The following HORMAD2 variants were observed in gnomAD, a reference collection of about 807,000 sequenced individuals.
The protein encoded by HORMAD2 is HORMA domain-containing protein 2.
Under a neutral mutation model 38.8 loss-of-function variants are expected in HORMAD2, and 45 were observed. The ratio of observed to expected loss-of-function variants is 1.16; its 90% CI spans 0.91 to 1.49. HORMAD2 has a LOEUF of 1.49. HORMAD2 is among the 40% of genes most tolerant of loss of function. The pLI, the probability that HORMAD2 is intolerant of heterozygous loss-of-function variation, is 0.00. For missense variants in HORMAD2, 338 were observed against 367.0 expected (o/e 0.92, Z 0.65); for synonymous variants, 126 against 122.8 (o/e 1.03, Z -0.17).
chr22:30,129,137 A>G (rs1459206506), intron 10 of HORMAD2, among the ~76,000 whole-genome samples: 1 of 148,932 alleles, frequency 6.7e-6, no homozygotes, highest in Non-Finnish European at 1.5e-5. Context: ...AGAATGGCAA[A>G]AACCCGGGAG....
At chr22:30,094,106 C>T in intron 2 of HORMAD2, 103 bp downstream of exon 2, 1 of 803,694 alleles carries the variant, frequency 1.2e-6, no homozygotes, top group Non-Finnish European at 2.0e-6. Flanking sequence ...GCAGTTTTAT[C>T]AGTTAATTGG....
chr22:30,172,000 A>G (rs1054613419), intron 10 of HORMAD2, among the ~76,000 whole-genome samples: 2 of 152,134 alleles, frequency 1.3e-5, no homozygotes, highest in African/African-American at 4.8e-5. Context: ...ACTGGGAAAT[A>G]CTCAGGAGGT....
chr22:30,081,565 A>G (rs1260992736), intron 1 of HORMAD2, among the ~76,000 whole-genome samples: 1 of 150,248 alleles, frequency 6.7e-6, no homozygotes, highest in Non-Finnish European at 1.5e-5. Flanking sequence ...GCTTAGCCTC[A>G]CTTTCCTTTT....
chr22:30,186,300 T>G, the HORMAD2 span, among the ~76,000 whole-genome samples: 1 of 151,768 alleles, frequency 6.6e-6, no homozygotes, highest in African/African-American at 2.4e-5. Flanking sequence ...TGATTTTCAG[T>G]GCCATCTTGT....
chr22:30,178,904 G>A (rs1456012503), downstream of HORMAD2, among the ~76,000 whole-genome samples: 1 of 152,112 alleles, frequency 6.6e-6, no homozygotes, highest in Non-Finnish European at 1.5e-5. Context: ...CATGATTGCC[G>A]CCAGCCTTTG....
At chr22:30,188,160 G>C in the HORMAD2 span, among the ~76,000 whole-genome samples, 1 of 152,238 alleles carries the variant, frequency 6.6e-6, no homozygotes, top group South Asian at 2.1e-4. Context: ...AGTGGTCATT[G>C]CTATGGCCAG....
At chr22:30,199,073 CAG>C in the HORMAD2 span, among the ~76,000 whole-genome samples, 2 of 152,204 alleles carry the variant, frequency 1.3e-5, no homozygotes, top group Non-Finnish European at 2.9e-5. Flanking sequence ...TCTGATGAAA[CAG>C]AGAATATTGA....
At chr22:30,117,390 G>T (rs1341583875) in intron 7 of HORMAD2, among the ~76,000 whole-genome samples, 1 of 151,376 alleles carries the variant, frequency 6.6e-6, no homozygotes, top group Non-Finnish European at 1.5e-5. Flanking sequence ...GACATATCTG[G>T]GCCAAACATT....
At chr22:30,094,032 A>G in intron 2 of HORMAD2, 29 bp downstream of exon 2, 1 of 1,495,692 alleles carries the variant, frequency 6.7e-7, no homozygotes, top group Admixed American at 1.8e-5. Flanking sequence ...AAGAAAATCA[A>G]TGACCATTTA....
intron 10 of HORMAD2, 122 bp downstream of exon 10, chr22:30,122,336 C>G (rs1287839245): frequency 1.2e-6 from 1 of 836,232 alleles, no homozygotes; most frequent in South Asian, 2.7e-5. Context: ...AAACTAGTCT[C>G]TGACATCAAG....
At chr22:30,166,390 T>C (rs1925782824) in intron 10 of HORMAD2, among the ~76,000 whole-genome samples, 1 of 152,202 alleles carries the variant, frequency 6.6e-6, no homozygotes, top group Non-Finnish European at 1.5e-5. Flanking sequence ...TTACCACATG[T>C]GGCTATTGAG....
chr22:30,168,306 G>A (rs1215772275), intron 10 of HORMAD2, among the ~76,000 whole-genome samples: 1 of 152,086 alleles, frequency 6.6e-6, no homozygotes, highest in Non-Finnish European at 1.5e-5. Flanking sequence ...ATATTTAAAT[G>A]TTTACCTATA....
intron 5 of HORMAD2, among the ~76,000 whole-genome samples, chr22:30,106,459 C>G (rs564518413): frequency 6.6e-6 from 1 of 152,108 alleles, no homozygotes; most frequent in East Asian, 1.9e-4. Context: ...AAAGGAGGCA[C>G]TATACCCTGT....
At chr22:30,114,870 A>G (rs1472750563) in intron 7 of HORMAD2, among the ~76,000 whole-genome samples, 1 of 152,246 alleles carries the variant, frequency 6.6e-6, no homozygotes, top group African/African-American at 2.4e-5. Flanking sequence ...GACCAACGAA[A>G]GTAACTAAGC....
chr22:30,122,707 G>A (rs1034173461), intron 10 of HORMAD2, among the ~76,000 whole-genome samples: 1 of 152,154 alleles, frequency 6.6e-6, no homozygotes, highest in Non-Finnish European at 1.5e-5. Flanking sequence ...CTAACTCACT[G>A]GGGAAAGTCA....
chr22:30,163,910 T>A (rs1925610456), intron 10 of HORMAD2, among the ~76,000 whole-genome samples: 1 of 152,192 alleles, frequency 6.6e-6, no homozygotes, highest in South Asian at 2.1e-4. Context: ...TTTCTTCATC[T>A]TCCCAAACTG....
chr22:30,171,811 A>T (rs1458747786), intron 10 of HORMAD2, among the ~76,000 whole-genome samples: 1 of 152,080 alleles, frequency 6.6e-6, no homozygotes, highest in Non-Finnish European at 1.5e-5. Context: ...AATTTTTTTA[A>T]TCTGGGATCT....
chr22:30,155,146 C>T (rs987165216), intron 10 of HORMAD2, among the ~76,000 whole-genome samples: 5 of 151,042 alleles, frequency 3.3e-5, no homozygotes, highest in Admixed American at 1.3e-4. Flanking sequence ...TCTTTACTTC[C>T]TTCAGGTGGC....
chr22:30,087,294 T>G (rs972884627), intron 1 of HORMAD2, among the ~76,000 whole-genome samples: 3 of 152,206 alleles, frequency 2.0e-5, no homozygotes, highest in African/African-American at 7.2e-5. Flanking sequence ...AGTAAGTTTT[T>G]GGGGAAAATA....
Sources: gnomAD v4.1 joint callset for allele counts (sites outside exome capture counted in the v4.1 genomes callset) on GRCh38, gnomAD v4.1.1 for gene constraint, MANE v1.5 for transcripts, NCBI Gene and HGNC (gene_info 2026-07-23, HGNC 2026-07-21) for gene names.